Variants in RASA1 observed in about 807,000 individuals in gnomAD.
The protein encoded by RASA1 is ras GTPase-activating protein 1.
A neutral mutation model predicts 132.2 loss-of-function variants in RASA1; 25 were observed. The ratio of observed to expected loss-of-function variants is 0.19; its 90% CI spans 0.14 to 0.26. RASA1 has a LOEUF of 0.26. Ranked by LOEUF, RASA1 falls within the 10% of genes least tolerant of loss-of-function variation. The probability of loss-of-function intolerance (pLI) is 1.00; values close to 1 mark genes in which losing one functional copy is unlikely to be tolerated. For synonymous variants in RASA1, 477 were observed against 449.9 expected (o/e 1.06, Z -0.76); for missense variants, 964 against 1,299.2 (o/e 0.74, Z 3.97).
At chr5:87,332,389 G>A (rs983046029) in intron 2 of RASA1, 118 bp from the exon 3 acceptor site, 67 of 1,051,994 alleles carry the variant, frequency 6.4e-5, no homozygotes, top group Admixed American at 2.7e-4. Context: ...TTAGTATAAG[G>A]ATATAGTTAC....
At chr5:87,382,453 C>A (rs1014995993) in intron 20 of RASA1, among the ~76,000 whole-genome samples, 9 of 152,170 alleles carry the variant, frequency 5.9e-5, no homozygotes, top group African/African-American at 1.9e-4. Flanking sequence ...CTTGTCTTTA[C>A]ATGGATTATG....
At chr5:87,270,241 CA>C (rs112792931) in intron 1 of RASA1, among the ~76,000 whole-genome samples, 4,934 of 59,966 alleles carry the variant, frequency 0.082, 97 homozygotes, top group African/African-American at 0.14. Flanking sequence ...GACTCTGTCT[CA>C]AAAAAAAAAA....
chr5:87,317,430 AT>A (rs1192222399), intron 1 of RASA1, among the ~76,000 whole-genome samples: 2 of 152,104 alleles, frequency 1.3e-5, no homozygotes, highest in Admixed American at 1.3e-4. Flanking sequence ...ACCTTAAGGA[AT>A]TAGACTAGAT....
intron 1 of RASA1, among the ~76,000 whole-genome samples, chr5:87,279,553 G>T (rs1223175307): frequency 6.6e-6 from 1 of 152,088 alleles, no homozygotes; most frequent in African/African-American, 2.4e-5. Flanking sequence ...TATGATAGTT[G>T]CATGTTCACT....
intron 1 of RASA1, among the ~76,000 whole-genome samples, chr5:87,306,470 G>A (rs925068841): frequency 6.6e-6 from 1 of 151,992 alleles, no homozygotes; most frequent in South Asian, 2.1e-4. Context: ...GAGGGTGGAG[G>A]GTGGTAGGAG....
intron 9 of RASA1, among the ~76,000 whole-genome samples, chr5:87,357,498 G>A (rs969254884): frequency 3.3e-5 from 5 of 151,936 alleles, no homozygotes; most frequent in Admixed American, 3.3e-4. Flanking sequence ...TTTAAGTTTT[G>A]ATCAAGACCA....
chr5:87,350,720 A>T (rs531969537), intron 8 of RASA1, among the ~76,000 whole-genome samples: 3 of 145,164 alleles, frequency 2.1e-5, no homozygotes, highest in South Asian at 2.2e-4. Context: ...AATGAGGATT[A>T]AAAAAAAAAA....
chr5:87,309,058 A>G (rs1044196722), intron 1 of RASA1, among the ~76,000 whole-genome samples: 3 of 152,164 alleles, frequency 2.0e-5, no homozygotes, highest in East Asian at 3.8e-4. Flanking sequence ...CTCTTTAATT[A>G]AAAAGATCCC....
At position 87,268,737 on chromosome 5, in the gene RASA1, G is replaced by C. The variant is rs752678103; in HGVS notation, c.286G>C (p.Ala96Pro). 7 of 1,613,116 alleles carry C rather than the reference G, an allele frequency of 4.3e-6. No homozygotes were observed. The South Asian group carries it at 5.5e-5, about 13-fold the overall frequency. ...LTGGGTAAGV[A>P]GAAAGVAGAA... ...AGGGGGAGGTACTGCTGCTGGCGTA[G>C]CTGGTGCTGCTGCTGGCGTGGCCGG... The change falls in exon 1 of 25, where the codon GCT becomes CCT. Residue 96 changes from alanine (A) to proline (P), a missense_variant. Transcript: ENST00000274376.
chr5:87,363,255 G>A, intron 10 of RASA1, 93 bp from the exon 11 acceptor site: 1 of 1,150,346 alleles, frequency 8.7e-7, no homozygotes, highest in South Asian at 1.4e-5. Context: ...AATAAAAATT[G>A]ATTGATTCAT....
At chr5:87,275,261 G>T (rs773622254) in intron 1 of RASA1, among the ~76,000 whole-genome samples, 3 of 152,020 alleles carry the variant, frequency 2.0e-5, no homozygotes, top group Non-Finnish European at 1.5e-5. Context: ...ATTTTTTGTT[G>T]TTGTTGCTTA....
intron 1 of RASA1, among the ~76,000 whole-genome samples, chr5:87,295,028 G>A (rs1755059046): frequency 6.6e-6 from 1 of 151,772 alleles, no homozygotes; most frequent in Admixed American, 6.6e-5. Context: ...TCATTGTTAG[G>A]CATATATATA....
intron 1 of RASA1, 93 bp from the exon 2 acceptor site, chr5:87,331,255 C>T (rs761034958): frequency 7.9e-7 from 1 of 1,268,944 alleles, no homozygotes; most frequent in Non-Finnish European, 1.2e-6. Flanking sequence ...TACATGTAGG[C>T]ATTTAAAACC....
intron 9 of RASA1, among the ~76,000 whole-genome samples, chr5:87,356,578 C>G (rs1429874880): frequency 1.3e-5 from 2 of 151,980 alleles, no homozygotes; most frequent in Non-Finnish European, 2.9e-5. Context: ...GAGATAGAGT[C>G]TTGCTCTGTT....
At chr5:87,370,019 ATC>A (rs1391433267) in intron 12 of RASA1, 119 bp downstream of exon 12, 1 of 868,418 alleles carries the variant, frequency 1.2e-6, no homozygotes, top group East Asian at 2.7e-5. Flanking sequence ...AAATCTAATC[ATC>A]TCTTATTTTA....
In RASA1 at chr5:87,391,033, G is replaced by T. The variant is rs902202754; in HGVS notation, c.*150G>T. 76 of 792,450 alleles carry T rather than the reference G, an allele frequency of 9.6e-5. No homozygotes were observed. The Admixed American group carries it at 1.5e-3, about 16-fold the overall frequency. The allele number at this position is 792,450 out of a possible 1,614,324, so 49.1% of individuals were successfully genotyped here. ...CTATGCAAACAAAATCCAAGATTCT[G>T]CTGGTGAATAACTATGCCAGCAACC... On this transcript the variant is annotated 3_prime_UTR_variant, in exon 25 of 25. Transcript: ENST00000274376.
In RASA1 at chr5:87,390,959, G is replaced by A; in HGVS notation, c.*76G>A. ...TTCACTTCAGTTTAATGTCTCCTTTGCTCTTGCCAAAAAATAGCACACTTT... is the reference window on the plus strand; with the variant it reads ...TTCACTTCAGTTTAATGTCTCCTTTACTCTTGCCAAAAAATAGCACACTTT... On this transcript the variant is annotated 3_prime_UTR_variant, in exon 25 of 25. Coordinates refer to ENST00000274376, the MANE Select transcript of RASA1 (RefSeq NM_002890.3). 1 of 1,424,086 alleles carries A rather than the reference G, an allele frequency of 7.0e-7. No individual in the cohort carries two copies. Among genetic ancestry groups the A allele is most frequent in the Non-Finnish European group, 9.9e-7 (1 of 1,010,166 alleles). 88.2% of individuals were successfully genotyped at this position (1,424,086 alleles called of 1,614,324 possible).
intron 5 of RASA1, among the ~76,000 whole-genome samples, chr5:87,341,056 A>G (rs1462434020): frequency 3.3e-5 from 5 of 151,968 alleles, no homozygotes; most frequent in African/African-American, 1.2e-4. Flanking sequence ...TAATTATATT[A>G]GTTGGGCTGT....
intron 20 of RASA1, among the ~76,000 whole-genome samples, chr5:87,380,954 T>G (rs563132001): frequency 5.9e-5 from 9 of 152,276 alleles, no homozygotes; most frequent in African/African-American, 1.4e-4. Flanking sequence ...ATTGACCGAT[T>G]TAGATATTAA....
Sources: allele counts gnomAD v4.1 joint callset (sites outside exome capture counted in the v4.1 genomes callset), GRCh38; gene constraint gnomAD v4.1.1; transcripts MANE v1.5; gene names NCBI Gene and HGNC (gene_info 2026-07-23, HGNC 2026-07-21).